CPT1A: variants seen among roughly 807,000 people sequenced by gnomAD.
The protein encoded by CPT1A is carnitine O-palmitoyltransferase 1, liver isoform.
A neutral mutation model predicts 100.8 loss-of-function variants in CPT1A; 64 were observed. That is an observed-to-expected ratio of 0.63 (90% CI 0.52 to 0.78). CPT1A has a LOEUF of 0.78. CPT1A is among the 30% of genes least tolerant of loss of function. The pLI is 0.00. For missense variants in CPT1A, 802 were observed against 1,034.1 expected (o/e 0.78, Z 3.08); for synonymous variants, 363 against 396.0 (o/e 0.92, Z 0.99).
rs766806586 is a variant in CPT1A at position 68,784,665 on chromosome 11, C to A, written c.1163+150G>T. Reference sequence around the variant, plus strand: ...CACCATGTCCCCATTGCTCTTGAGACCTGCCAAGCCGGGAGACCCCAGAGA... The same window carrying A: ...CACCATGTCCCCATTGCTCTTGAGAACTGCCAAGCCGGGAGACCCCAGAGA... On this transcript the variant is annotated intron_variant, in intron 10 of 18. Transcript: ENST00000265641. The A allele has an allele frequency of 8.1e-6, 6 of 736,454 alleles. No homozygotes were observed. In the South Asian group the frequency reaches 8.9e-5, roughly 11 times the overall value. 45.6% of individuals were successfully genotyped at this position (736,454 alleles called of 1,614,324 possible). A position where few individuals can be genotyped will look rare whatever the true frequency, so the allele number is the denominator to read the frequency against.
At position 68,796,940 on chromosome 11, in the gene CPT1A, G is replaced by A; in HGVS notation, c.694-7C>T. ...CCTCCCACCAGTCGCTCACCTAGTGGGCGCAAACACCAGACAAACCCGCAG... is the reference window on the plus strand; with the variant it reads ...CCTCCCACCAGTCGCTCACCTAGTGAGCGCAAACACCAGACAAACCCGCAG... On this transcript the variant is annotated splice_polypyrimidine_tract_variant and splice_region_variant and intron_variant, in intron 6 of 18. Coordinates refer to ENST00000265641, the MANE Select transcript of CPT1A (RefSeq NM_001876.4). The A allele has an allele frequency of 6.2e-7, 1 of 1,613,652 alleles. No homozygotes were observed. The highest frequency in any genetic ancestry group is 8.5e-7 in the Non-Finnish European group (1 of 1,179,780).
In CPT1A at chr11:68,756,278, G is replaced by C. The variant is rs1946692855; in HGVS notation, c.*1366C>G. 6.6e-6 allele frequency: 1 copy of C among 152,132 alleles called. No individual in the cohort carries two copies. Among genetic ancestry groups the C allele is most frequent in the Non-Finnish European group, 1.5e-5 (1 of 68,028 alleles). 9.4% of individuals were successfully genotyped at this position (152,132 alleles called of 1,614,324 possible). On this transcript the variant is annotated 3_prime_UTR_variant, in exon 19 of 19. Transcript: ENST00000265641. ...AATAAATACACAATTTAAAACAATG[G>C]ACAGCTAAGCTTGTCATGACAGACA...
At chr11:68,823,922 A>G (rs1018908457) in intron 1 of CPT1A, among the ~76,000 whole-genome samples, 5 of 152,058 alleles carry the variant, frequency 3.3e-5, no homozygotes, top group African/African-American at 1.2e-4. Context: ...TATAAGTGGC[A>G]GCTAAACAAT....
At chr11:68,817,077 CGTGTGTGTGGTTGT>C (rs1856439252) in intron 1 of CPT1A, among the ~76,000 whole-genome samples, 5 of 54,004 alleles carry the variant, frequency 9.3e-5, no homozygotes, top group Admixed American at 2.7e-4. Flanking sequence ...TGTGTGGGTG[CGTGTGTGTGGTTGT>C]GTGTGTGTGG....
At chr11:68,810,694 C>T (rs1276288737) in intron 3 of CPT1A, among the ~76,000 whole-genome samples, 1 of 152,026 alleles carries the variant, frequency 6.6e-6, no homozygotes, top group African/African-American at 2.4e-5. Context: ...TTCTAGTCAT[C>T]AGAATCAAGG....
intron 8 of CPT1A, among the ~76,000 whole-genome samples, chr11:68,794,535 C>T (rs1253736281): frequency 2.0e-5 from 3 of 152,152 alleles, no homozygotes; most frequent in South Asian, 2.1e-4. Context: ...ATCGGCCTCC[C>T]GAGTAGCTGG....
intron 1 of CPT1A, among the ~76,000 whole-genome samples, chr11:68,835,835 T>C (rs1284761367): frequency 6.6e-6 from 1 of 152,340 alleles, no homozygotes; most frequent in South Asian, 2.1e-4. Context: ...TACTCAGACC[T>C]GTGACCTTGA....
intron 2 of CPT1A, among the ~76,000 whole-genome samples, chr11:68,814,902 G>T (rs140504256): frequency 6.6e-6 from 1 of 151,642 alleles, no homozygotes; most frequent in African/African-American, 2.4e-5. Flanking sequence ...ACCCAGGCTG[G>T]TCTTAAACTC....
upstream of CPT1A, among the ~76,000 whole-genome samples, chr11:68,842,947 C>T (rs187392852): frequency 6.6e-6 from 1 of 152,348 alleles, no homozygotes; most frequent in Admixed American, 6.5e-5. Flanking sequence ...CATAAATGCA[C>T]CGATGTTATG....
chr11:68,777,245 T>C (rs1855165312), intron 12 of CPT1A, among the ~76,000 whole-genome samples: 1 of 151,772 alleles, frequency 6.6e-6, no homozygotes, highest in Non-Finnish European at 1.5e-5. Context: ...GCCTGGGCAA[T>C]GTGGCAAAAC....
chr11:68,807,663 G>A (rs745790706), intron 3 of CPT1A, 25 bp from the exon 4 acceptor site: 2 of 1,613,004 alleles, frequency 1.2e-6, no homozygotes. Flanking sequence ...CCAGACAAGG[G>A]AGGCTGTGCG....
chr11:68,796,422 G>T (rs1295705065), intron 7 of CPT1A, among the ~76,000 whole-genome samples: 2 of 152,170 alleles, frequency 1.3e-5, no homozygotes, highest in Non-Finnish European at 2.9e-5. Flanking sequence ...TGGGCGTGGT[G>T]GTGGGCACCT....
At chr11:68,774,361 G>T (rs1040008768) in intron 13 of CPT1A, among the ~76,000 whole-genome samples, 1 of 152,050 alleles carries the variant, frequency 6.6e-6, no homozygotes, top group African/African-American at 2.4e-5. Context: ...ACCCCAAAGG[G>T]TGTTTCAAAT....
chr11:68,795,143 A>G (rs1450657722), intron 7 of CPT1A, among the ~76,000 whole-genome samples: 2 of 152,250 alleles, frequency 1.3e-5, no homozygotes, highest in Non-Finnish European at 2.9e-5. Context: ...GCTATTAAAG[A>G]TAACTATTTG....
chr11:68,804,740 G>A (rs761852912), intron 4 of CPT1A, among the ~76,000 whole-genome samples: 2 of 152,204 alleles, frequency 1.3e-5, no homozygotes, highest in East Asian at 1.9e-4. Context: ...ACCTCCTTCC[G>A]CAAGGCCCTT....
intron 10 of CPT1A, among the ~76,000 whole-genome samples, chr11:68,782,977 A>AGGCTCCCCACGTCTCC: frequency 6.6e-6 from 1 of 152,134 alleles, no homozygotes; most frequent in Non-Finnish European, 1.5e-5. Context: ...GCGCCGGCTC[A>AGGCTCCCCACGTCTCC]GGCTCCCCAC....
At position 68,793,174 on chromosome 11, in the gene CPT1A, T is replaced by A. The variant is rs1855664147; in HGVS notation, c.967+141A>T. On this transcript the variant is annotated intron_variant, in intron 9 of 18. Coordinates refer to ENST00000265641, the MANE Select transcript of CPT1A (RefSeq NM_001876.4). ...CAGGCCTAAGACAGACAAAGGAAAT[T>A]CAGCAGAAGGAATGTTCACCAGCCT... The A allele has an allele frequency of 8.0e-6, 5 of 622,892 alleles. No homozygotes were observed. The East Asian group carries it at 1.4e-4, about 18-fold the overall frequency. The allele number at this position is 622,892 out of a possible 1,614,324, so 38.6% of individuals were successfully genotyped here. A position where few individuals can be genotyped will look rare whatever the true frequency, so the allele number is the denominator to read the frequency against.
chr11:68,761,537 C>G lies in CPT1A; in HGVS notation c.2026G>C (p.Glu676Gln). ...YLAVESPFLK[E>Q]VLSEPWRLST... ...CGGAAGAAGTGGAAGAGACTTACTT[C>G]CTTAAGGAAAGGGGACTCCACAGCG... Residue 676 changes from glutamate (E) to glutamine (Q), a missense_variant and splice_region_variant, in exon 16 of 19, where the codon GAA becomes CAA. Physicochemically the swap from Glu to Gln is conservative, Grantham distance 29. Transcript: ENST00000265641. 1 of 1,613,926 alleles carries G rather than the reference C, an allele frequency of 6.2e-7. No individual in the cohort carries two copies. The highest frequency in any genetic ancestry group is 8.5e-7 in the Non-Finnish European group (1 of 1,179,952).
At chr11:68,817,796 C>T (rs115030453) in intron 1 of CPT1A, among the ~76,000 whole-genome samples, 2,817 of 120,038 alleles carry the variant, frequency 0.023, 101 homozygotes, top group African/African-American at 0.089. Context: ...AGCAGGCCAG[C>T]GGGGTCAAGG....
Sources: gnomAD v4.1 joint callset for allele counts (sites outside exome capture counted in the v4.1 genomes callset) on GRCh38, gnomAD v4.1.1 for gene constraint, MANE v1.5 for transcripts, NCBI Gene and HGNC (gene_info 2026-07-23, HGNC 2026-07-21) for gene names.